Variants in SRFBP1 observed in about 807,000 individuals in gnomAD.
SRFBP1 encodes serum response factor binding protein 1.
In SRFBP1, 47 loss-of-function variants were observed where a neutral mutation model predicts 45.5. The ratio of observed to expected loss-of-function variants is 1.03; its 90% CI spans 0.82 to 1.32. The LOEUF (loss-of-function observed/expected upper bound fraction) is 1.32, where lower values mean the gene tolerates loss of function less well. Among genes scored for constraint, SRFBP1 ranks in the 40% most tolerant of loss-of-function variants. The pLI is 0.00. For missense variants in SRFBP1, 621 were observed against 484.6 expected, an observed-to-expected ratio of 1.28 and a Z score of -2.64; for synonymous variants, 203 against 166.3, an observed-to-expected ratio of 1.22 and a Z score of -1.70.
intron 7 of SRFBP1, among the ~76,000 whole-genome samples, chr5:122,025,648 C>T (rs1753465729): frequency 6.6e-6 from 1 of 152,168 alleles, no homozygotes; most frequent in Non-Finnish European, 1.5e-5. Flanking sequence ...TCTACAGCCA[C>T]TCTTTGAATA....
intron 4 of SRFBP1, among the ~76,000 whole-genome samples, chr5:122,005,526 A>G (rs547430203): frequency 1.3e-5 from 2 of 152,248 alleles, no homozygotes; most frequent in African/African-American, 4.8e-5. Context: ...ATGAGTCCTT[A>G]CAGATAAAAT....
At chr5:121,992,408 G>GTT (rs1477475269) in intron 3 of SRFBP1, among the ~76,000 whole-genome samples, 1 of 150,394 alleles carries the variant, frequency 6.6e-6, no homozygotes, top group African/African-American at 2.4e-5. Flanking sequence ...GTTTTGTTTT[G>GTT]TTTTTTTTCT....
chr5:121,985,517 A>T (rs147577434), intron 3 of SRFBP1, among the ~76,000 whole-genome samples: 1 of 151,982 alleles, frequency 6.6e-6, no homozygotes, highest in African/African-American at 2.4e-5. Flanking sequence ...GGTAATAGAA[A>T]ATAATAAACT....
chr5:121,975,475 A>T, intron 3 of SRFBP1, 88 bp downstream of exon 3: 2 of 1,413,042 alleles, frequency 1.4e-6, no homozygotes, highest in Non-Finnish European at 2.0e-6. Flanking sequence ...TGCTTATTTG[A>T]ATATTCCCGA....
chr5:121,978,744 G>A (rs978240175), intron 3 of SRFBP1, among the ~76,000 whole-genome samples: 1 of 152,070 alleles, frequency 6.6e-6, no homozygotes, highest in Non-Finnish European at 1.5e-5. Flanking sequence ...CGCCCACCTC[G>A]GCCTCCCATA....
At chr5:121,985,404 T>G (rs1460309718) in intron 3 of SRFBP1, among the ~76,000 whole-genome samples, 1 of 151,834 alleles carries the variant, frequency 6.6e-6, no homozygotes, top group African/African-American at 2.4e-5. Context: ...TTTAGATTAT[T>G]TTGTTAGTTT....
chr5:122,077,727 G>T (rs746215345), downstream of SRFBP1: 2 of 1,579,376 alleles, frequency 1.3e-6, no homozygotes, highest in African/African-American at 1.3e-5. This position sits in a 1 kb window ranked among gnomAD's most constrained non-coding sequence, Gnocchi z 4.9. Flanking sequence ...GGAGTGCGGG[G>T]CTGCTGGGCG....
chr5:122,049,136 G>A (rs1753921986), intron 2 of SRFBP1, among the ~76,000 whole-genome samples: 1 of 151,882 alleles, frequency 6.6e-6, no homozygotes, highest in South Asian at 2.1e-4. Flanking sequence ...TAATTGTGAT[G>A]TTAGGGTGTC....
rs558464487 is a variant in SRFBP1, at chr5:121,965,067, T to G, written c.36+2999T>G. ...TTTTTTCTTGTAAATTTGTTTAAGTTCTTTGTAGATTTTGGATATTAACCC... is the reference window on the plus strand; with the variant it reads ...TTTTTTCTTGTAAATTTGTTTAAGTGCTTTGTAGATTTTGGATATTAACCC... On this transcript the variant is annotated intron_variant, in intron 1 of 7. Coordinates refer to ENST00000339397, the MANE Select transcript of SRFBP1 (RefSeq NM_152546.3). Among the ~76,000 whole-genome samples the G allele has an allele frequency of 4.7e-4, 71 of 152,358 alleles. No individual in the cohort carries two copies. In the South Asian group the frequency reaches 0.015, roughly 32 times the overall value.
At chr5:122,077,124 A>C (rs185898988), downstream of SRFBP1, 518 of 1,487,582 alleles carry the variant, frequency 3.5e-4, 1 homozygote, top group African/African-American at 6.7e-3. The surrounding 1 kb of genome is among the most constrained non-coding windows in gnomAD (Gnocchi z 4.9). Flanking sequence ...AGTGGAGCGG[A>C]GGACAGCAAG....
intron 4 of SRFBP1, among the ~76,000 whole-genome samples, chr5:122,001,634 T>C (rs903369482): frequency 3.0e-4 from 44 of 146,152 alleles, no homozygotes; most frequent in African/African-American, 1.0e-3. Flanking sequence ...CAATCTCGGC[T>C]CACTGCAAGC....
At chr5:122,016,807 A>G (rs1239561428) in intron 4 of SRFBP1, among the ~76,000 whole-genome samples, 2 of 152,202 alleles carry the variant, frequency 1.3e-5, no homozygotes, top group Non-Finnish European at 2.9e-5. Flanking sequence ...CTGTACTTAA[A>G]TGAATGGTCC....
intron 2 of SRFBP1, among the ~76,000 whole-genome samples, chr5:122,038,506 G>T (rs370186087): frequency 6.6e-6 from 1 of 152,166 alleles, no homozygotes; most frequent in South Asian, 2.1e-4. Context: ...TTACTAGTTT[G>T]CAAGCAAAAC....
intron 3 of SRFBP1, among the ~76,000 whole-genome samples, chr5:121,985,808 G>C (rs890820553): frequency 2.6e-5 from 4 of 151,772 alleles, no homozygotes; most frequent in Admixed American, 6.6e-5. Flanking sequence ...TTATTTTTGT[G>C]GGGGGTTGGG....
intron 7 of SRFBP1, among the ~76,000 whole-genome samples, chr5:122,023,895 C>G (rs1753414796): frequency 6.6e-6 from 1 of 152,136 alleles, no homozygotes; most frequent in South Asian, 2.1e-4. Context: ...TCAAACTTGT[C>G]TTATTTGTTT....
chr5:121,979,880 T>C (rs963864933), intron 3 of SRFBP1, among the ~76,000 whole-genome samples: 1 of 152,172 alleles, frequency 6.6e-6, no homozygotes, highest in African/African-American at 2.4e-5. Context: ...TGTTCTCCAG[T>C]GTGCCAGGCT....
At chr5:122,005,462 C>G (rs1752955677) in intron 4 of SRFBP1, among the ~76,000 whole-genome samples, 1 of 152,066 alleles carries the variant, frequency 6.6e-6, no homozygotes, top group Non-Finnish European at 1.5e-5. Flanking sequence ...CTCCTACTGT[C>G]TTTTTATTTC....
chr5:122,022,061 T>C lies in SRFBP1; in HGVS notation c.1068-309T>C, dbSNP rs185955891. On this transcript the variant is annotated intron_variant, in intron 6 of 7. Transcript: ENST00000339397. ...CTGTGAAAAGACTTTAGAAATTCTT[T>C]ATATAGATAATCCCGAAGTGTAAAG... is the stretch of plus-strand genomic sequence containing the variant. Among the ~76,000 whole-genome samples the C allele has an allele frequency of 4.6e-3, 694 of 152,236 alleles. 4 individuals carry two copies. Among genetic ancestry groups the C allele is most frequent in the African/African-American group, 0.016 (656 of 41,542 alleles).
intron 3 of SRFBP1, among the ~76,000 whole-genome samples, chr5:121,981,811 T>C (rs1468627783): frequency 1.3e-5 from 2 of 152,026 alleles, no homozygotes; most frequent in African/African-American, 4.8e-5. Flanking sequence ...TATCATATGG[T>C]ATAGCAGTCT....
Sources: allele counts gnomAD v4.1 joint callset (sites outside exome capture counted in the v4.1 genomes callset), GRCh38; gene constraint gnomAD v4.1.1; non-coding constraint Gnocchi (gnomAD v3.1); transcripts MANE v1.5; gene names NCBI Gene and HGNC (gene_info 2026-07-23, HGNC 2026-07-21).